Variants in FCHSD2 observed in about 807,000 individuals in gnomAD.
The protein encoded by FCHSD2 is FCH and double SH3 domains 2, also known as F-BAR and double SH3 domains protein 2.
FCHSD2 carries 38 observed loss-of-function variants against 108.1 expected under a neutral mutation model. The ratio of observed to expected loss-of-function variants is 0.35; its 90% CI spans 0.27 to 0.46. The LOEUF (loss-of-function observed/expected upper bound fraction) is 0.46. Ranked by LOEUF, FCHSD2 falls within the 20% of genes least tolerant of loss-of-function variation. The pLI is 1.00. For missense variants in FCHSD2, 751 were observed against 897.8 expected (o/e 0.84, Z 2.09); for synonymous variants, 279 against 314.7 (o/e 0.89, Z 1.20).
chr11:73,051,700 T>C (rs1256496841), intron 3 of FCHSD2, among the ~76,000 whole-genome samples: 1 of 152,084 alleles, frequency 6.6e-6, no homozygotes, highest in Non-Finnish European at 1.5e-5. Context: ...AAAACCTAAG[T>C]AGTATTTATG....
At chr11:72,885,437 T>C (rs761494465) in intron 12 of FCHSD2, among the ~76,000 whole-genome samples, 1 of 152,186 alleles carries the variant, frequency 6.6e-6, no homozygotes, top group Non-Finnish European at 1.5e-5. Flanking sequence ...ATATTTTTAG[T>C]TTGAAACTAA....
At chr11:72,914,911 G>A (rs1043829788) in intron 9 of FCHSD2, among the ~76,000 whole-genome samples, 1 of 147,958 alleles carries the variant, frequency 6.8e-6, no homozygotes, top group Admixed American at 6.7e-5. Context: ...AAGAGCTTCT[G>A]CACAGCAAAA....
intron 2 of FCHSD2, among the ~76,000 whole-genome samples, chr11:73,111,737 TTTTTA>T (rs1395115793): frequency 6.6e-6 from 1 of 152,148 alleles, no homozygotes; most frequent in Non-Finnish European, 1.5e-5. Context: ...AATTTCTTGC[TTTTTA>T]TTTTTTGTGT....
chr11:73,121,684 A>C (rs1242730221), intron 2 of FCHSD2, among the ~76,000 whole-genome samples: 3 of 152,088 alleles, frequency 2.0e-5, no homozygotes, highest in Non-Finnish European at 4.4e-5. Context: ...ACATCCTTAG[A>C]TATTGTAAGG....
chr11:73,139,976 A>C, intron 2 of FCHSD2, 55 bp downstream of exon 2: 1 of 1,003,558 alleles, frequency 1.0e-6, no homozygotes, highest in Non-Finnish European at 1.4e-6. Context: ...TGGTAACTCA[A>C]AGGTTCTTTG....
At chr11:72,931,776 A>G (rs1273142770) in intron 8 of FCHSD2, among the ~76,000 whole-genome samples, 1 of 152,146 alleles carries the variant, frequency 6.6e-6, no homozygotes, top group Non-Finnish European at 1.5e-5. Flanking sequence ...AAAACACAAA[A>G]AACTCTTCTT....
At chr11:72,940,480 G>C (rs1184260653) in intron 8 of FCHSD2, 9 of 699,632 alleles carry the variant, frequency 1.3e-5, no homozygotes, top group Non-Finnish European at 2.3e-5. Flanking sequence ...TCTGGCAGTA[G>C]CCATCAGGTA....
At chr11:73,103,160 T>C (rs192158918) in intron 2 of FCHSD2, among the ~76,000 whole-genome samples, 2 of 152,290 alleles carry the variant, frequency 1.3e-5, no homozygotes, top group African/African-American at 2.4e-5. Context: ...ATATATTGAG[T>C]GTAGTAGTGT....
At chr11:72,864,517 G>A (rs148482066) in intron 13 of FCHSD2, among the ~76,000 whole-genome samples, 1 of 152,310 alleles carries the variant, frequency 6.6e-6, no homozygotes, top group African/African-American at 2.4e-5. Context: ...CTGCACTCCA[G>A]CCTGGGCGAT....
intron 8 of FCHSD2, among the ~76,000 whole-genome samples, chr11:72,931,412 T>G (rs556539640): frequency 6.8e-6 from 1 of 146,688 alleles, no homozygotes; most frequent in African/African-American, 2.5e-5. Context: ...CAGCCTTAAA[T>G]TTTTTTTTTA....
At position 73,115,914 on chromosome 11, in the gene FCHSD2, G is replaced by A. The variant is rs72984914; in HGVS notation, c.119+24117C>T. Among the ~76,000 whole-genome samples the A allele has an allele frequency of 7.7e-3, 1,171 of 152,332 alleles. 11 individuals are homozygous for A. Among genetic ancestry groups the A allele is most frequent in the African/African-American group, 0.027 (1,112 of 41,574 alleles). On this transcript the variant is annotated intron_variant, in intron 2 of 19. Transcript: ENST00000409418. The stretch of plus-strand genomic sequence containing the variant: ...CAAAATGCCTTCATGGCAACATGTA[G>A]ATTAACATTTGATTAAATAGCTGGG...
intron 8 of FCHSD2, among the ~76,000 whole-genome samples, chr11:72,959,036 C>A (rs190944507): frequency 6.1e-4 from 91 of 149,772 alleles, no homozygotes; most frequent in Admixed American, 3.5e-3. Context: ...TACATCCATG[C>A]GTGCATGGGA....
chr11:72,962,912 C>T (rs763276058), intron 8 of FCHSD2, among the ~76,000 whole-genome samples: 2 of 152,232 alleles, frequency 1.3e-5, no homozygotes, highest in South Asian at 2.1e-4. Context: ...GACAGTATTA[C>T]ACAGTGGTTA....
At position 72,848,443 on chromosome 11, in the gene FCHSD2, C is replaced by T. The variant is rs917397828; in HGVS notation, c.1443+1312G>A. Among the ~76,000 whole-genome samples, 4 of 152,290 alleles carry T rather than the reference C, an allele frequency of 2.6e-5. No individual in the cohort carries two copies. The East Asian group carries it at 5.8e-4, about 22-fold the overall frequency. ...AATCATGACCTACTTTAAATGCCAC[C>T]TCATCTGTAAAATTTCTCCCAATGA... On this transcript the variant is annotated intron_variant, in intron 14 of 19. Transcript: ENST00000409418.
intron 2 of FCHSD2, among the ~76,000 whole-genome samples, chr11:73,116,167 T>G (rs1195564075): frequency 1.3e-5 from 2 of 152,244 alleles, no homozygotes; most frequent in African/African-American, 4.8e-5. Context: ...TGAGATGATC[T>G]TATGGTTCTA....
At chr11:72,967,811 C>A (rs1296814649) in intron 8 of FCHSD2, among the ~76,000 whole-genome samples, 2 of 147,866 alleles carry the variant, frequency 1.4e-5, no homozygotes, top group Non-Finnish European at 3.0e-5. Flanking sequence ...GGCAGAGAGG[C>A]TGGGTGCGGG....
chr11:73,125,311 C>T (rs1038650446), intron 2 of FCHSD2, among the ~76,000 whole-genome samples: 1 of 152,210 alleles, frequency 6.6e-6, no homozygotes, highest in African/African-American at 2.4e-5. Context: ...GGTTTATAAG[C>T]AGCACAAAGT....
intron 4 of FCHSD2, among the ~76,000 whole-genome samples, chr11:73,002,933 T>C (rs1486973126): frequency 6.6e-6 from 1 of 152,212 alleles, no homozygotes; most frequent in Non-Finnish European, 1.5e-5. Context: ...AAGGCAGGGG[T>C]GTATGTCTTG....
At chr11:72,996,307 G>A (rs1048099702) in intron 5 of FCHSD2, among the ~76,000 whole-genome samples, 1 of 152,090 alleles carries the variant, frequency 6.6e-6, no homozygotes, top group Non-Finnish European at 1.5e-5. Context: ...TACTATCAGG[G>A]TTGTGTAAAA....
Sources: allele counts gnomAD v4.1 joint callset (sites outside exome capture counted in the v4.1 genomes callset), GRCh38; gene constraint gnomAD v4.1.1; transcripts MANE v1.5; gene names NCBI Gene and HGNC (gene_info 2026-07-23, HGNC 2026-07-21).